The following ELMO1 variants were observed in gnomAD, a reference collection of about 807,000 sequenced individuals.
The protein encoded by ELMO1 is engulfment and cell motility 1, also known as engulfment and cell motility protein 1.
A neutral mutation model predicts 98.9 loss-of-function variants in ELMO1; 26 were observed. The observed-to-expected ratio is 0.26, with a 90% CI of 0.19 to 0.36. The LOEUF (loss-of-function observed/expected upper bound fraction) is 0.36. Ranked by LOEUF, ELMO1 falls within the 10% of genes least tolerant of loss-of-function variation. The pLI, the probability that ELMO1 is intolerant of heterozygous loss-of-function variation, is 1.00. For missense variants in ELMO1, 627 were observed against 935.2 expected, an observed-to-expected ratio of 0.67 and a Z score of 4.30; for synonymous variants, 346 against 346.0, an observed-to-expected ratio of 1.00 and a Z score of 0.00.
chr7:37,421,033 GA>G (rs376078052), intron 1 of ELMO1, among the ~76,000 whole-genome samples: 59 of 152,326 alleles, frequency 3.9e-4, no homozygotes, highest in Middle Eastern at 6.8e-3. Flanking sequence ...GTGAAGCCCA[GA>G]ACCCTAAGCC....
intron 16 of ELMO1, among the ~76,000 whole-genome samples, chr7:36,969,412 T>C (rs1466821519): frequency 2.0e-5 from 3 of 152,248 alleles, no homozygotes; most frequent in Non-Finnish European, 4.4e-5. Context: ...TGGGTGATAA[T>C]GATATGTGGT....
chr7:37,000,938 T>TACACACACACACACAC (rs145766627), intron 16 of ELMO1, among the ~76,000 whole-genome samples: 186 of 147,500 alleles, frequency 1.3e-3, no homozygotes, highest in African/African-American at 2.5e-3. Flanking sequence ...TATATGTGTA[T>TACACACACACACACAC]ACACACACAC....
chr7:37,346,380 A>T (rs573193992), intron 1 of ELMO1, among the ~76,000 whole-genome samples: 1 of 152,214 alleles, frequency 6.6e-6, no homozygotes, highest in Non-Finnish European at 1.5e-5. Flanking sequence ...ATCCTCAAGA[A>T]ATAATTATTA....
chr7:37,112,968 C>G (rs780571589), intron 14 of ELMO1, among the ~76,000 whole-genome samples: 8 of 152,214 alleles, frequency 5.3e-5, no homozygotes, highest in Non-Finnish European at 1.2e-4. Flanking sequence ...GCTCTGGTCA[C>G]ATGAATCCTA....
rs61098358 is a variant in ELMO1, at chr7:37,218,711, C to T, written c.781-2016G>A. ...GAAAAACTACAATGCATGTAGTATG[C>T]TCACATTTGGTGAAAAAAAATGATG... is the stretch of plus-strand genomic sequence containing the variant. On this transcript the variant is annotated intron_variant, in intron 10 of 21. Coordinates refer to ENST00000310758, the MANE Select transcript of ELMO1 (RefSeq NM_014800.11). Among the ~76,000 whole-genome samples the T allele has an allele frequency of 1.8e-4, 27 of 152,230 alleles. No homozygotes were observed. In the East Asian group the frequency reaches 4.8e-3, roughly 27 times the overall value.
intron 7 of ELMO1, among the ~76,000 whole-genome samples, chr7:37,242,894 G>T (rs1361627991): frequency 6.6e-6 from 1 of 152,188 alleles, no homozygotes; most frequent in African/African-American, 2.4e-5. Context: ...GGTGTTCTCA[G>T]AGAAAAAGCT....
In ELMO1 at chr7:36,870,224, G is replaced by A. The variant is rs2129040025; in HGVS notation, c.1905+169C>T. Among the ~76,000 whole-genome samples the A allele has an allele frequency of 1.3e-5, 2 of 152,214 alleles. No individual in the cohort carries two copies. The highest frequency in any genetic ancestry group is 1.3e-4 in the Admixed American group (2 of 15,278). ...AGGGGTCAGAAAGAGAAAGAATAAG[G>A]GTAAGAGACGTAAAAGGAATCGGGA... On this transcript the variant is annotated intron_variant, in intron 20 of 21. Transcript: ENST00000310758. The surrounding 1 kb of genome is among the most constrained non-coding windows in gnomAD (Gnocchi z 4.4).
rs185321878 is a variant in ELMO1 at position 37,233,781 on chromosome 7, C to T, written c.450-587G>A. On this transcript the variant is annotated intron_variant, in intron 7 of 21. Coordinates refer to ENST00000310758, the MANE Select transcript of ELMO1 (RefSeq NM_014800.11). ...GGACACACAGATACAAACATGTATG[C>T]AAGTAAACATACTCATTTTGATTTT... is the stretch of plus-strand genomic sequence containing the variant. 7.3e-4 allele frequency among the ~76,000 whole-genome samples: 111 copies of T among 152,224 alleles called. 1 individual carries two copies. Among genetic ancestry groups the T allele is most frequent in the African/African-American group, 2.5e-3 (102 of 41,552 alleles).
In ELMO1 at chr7:36,853,344, C is replaced by A. The variant is rs530549467; in HGVS notation, c.*2207G>T. On this transcript the variant is annotated 3_prime_UTR_variant, in exon 22 of 22. Coordinates refer to ENST00000310758, the MANE Select transcript of ELMO1 (RefSeq NM_014800.11). ...CCCAACCAAGGTCACAGGACAGATA[C>A]ATTTCTTAAACCCAGTGTCTCAGGA... Among the ~76,000 whole-genome samples the A allele has an allele frequency of 6.6e-6, 1 of 152,208 alleles. No individual in the cohort carries two copies. The highest frequency in any genetic ancestry group is 2.4e-5 in the African/African-American group (1 of 41,450).
At chr7:37,236,244 G>A (rs1234842067) in intron 7 of ELMO1, among the ~76,000 whole-genome samples, 1 of 152,196 alleles carries the variant, frequency 6.6e-6, no homozygotes, top group African/African-American at 2.4e-5. Flanking sequence ...GGAAAAAAAA[G>A]CTGGAGAGAA....
chr7:36,876,899 T>C (rs949614226), intron 19 of ELMO1, among the ~76,000 whole-genome samples: 10 of 152,200 alleles, frequency 6.6e-5, no homozygotes, highest in African/African-American at 2.2e-4. Flanking sequence ...AGTTTTCCTA[T>C]GAAAGAAAAC....
At chr7:37,031,024 T>C (rs1401623609) in intron 15 of ELMO1, among the ~76,000 whole-genome samples, 1 of 152,184 alleles carries the variant, frequency 6.6e-6, no homozygotes, top group Non-Finnish European at 1.5e-5. Context: ...TTTTGCTCAG[T>C]TGACTCTTCT....
intron 14 of ELMO1, among the ~76,000 whole-genome samples, chr7:37,115,546 CTCAT>C (rs1002503749): frequency 6.6e-6 from 1 of 151,440 alleles, no homozygotes; most frequent in African/African-American, 2.4e-5. Flanking sequence ...AAATCTAACA[CTCAT>C]TCATGATAAA....
At chr7:37,038,228 G>A (rs1584548799) in intron 15 of ELMO1, among the ~76,000 whole-genome samples, 1 of 152,192 alleles carries the variant, frequency 6.6e-6, no homozygotes, top group Non-Finnish European at 1.5e-5. Flanking sequence ...TGGTTCCCAT[G>A]TCTCCCTTGC....
intron 4 of ELMO1, among the ~76,000 whole-genome samples, chr7:37,296,824 T>G (rs779579909): frequency 6.6e-6 from 1 of 152,186 alleles, no homozygotes; most frequent in Non-Finnish European, 1.5e-5. Context: ...TTTCTTATAA[T>G]AAATACTGGA....
chr7:37,394,138 A>G (rs1020029950), intron 1 of ELMO1, among the ~76,000 whole-genome samples: 1 of 152,208 alleles, frequency 6.6e-6, no homozygotes, highest in African/African-American at 2.4e-5. Flanking sequence ...GGACACTAAT[A>G]TAATGTTGGA....
intron 1 of ELMO1, among the ~76,000 whole-genome samples, chr7:37,392,624 T>C (rs1197111516): frequency 6.6e-6 from 1 of 152,182 alleles, no homozygotes; most frequent in Non-Finnish European, 1.5e-5. Context: ...GGCCTCCCTA[T>C]AGAATGGAGA....
rs938433225 is a variant in ELMO1, at chr7:37,212,876, G to A, written c.954+459C>T. ...AGAGAGTTACAGCCAACAGCCAACC[G>A]ACAGAAATGCTGGCCCAGAAATCAG... On this transcript the variant is annotated intron_variant, in intron 12 of 21. Coordinates refer to ENST00000310758, the MANE Select transcript of ELMO1 (RefSeq NM_014800.11). Among the ~76,000 whole-genome samples the A allele has an allele frequency of 3.9e-5, 6 of 152,136 alleles. No individual in the cohort carries two copies. The South Asian group carries it at 6.2e-4, about 16-fold the overall frequency.
chr7:37,379,767 A>G (rs2131381223), intron 1 of ELMO1, among the ~76,000 whole-genome samples: 1 of 152,290 alleles, frequency 6.6e-6, no homozygotes, highest in South Asian at 2.1e-4. Flanking sequence ...GACTTCTCCT[A>G]AATCTGATTT....
Sources: gnomAD v4.1 joint callset for allele counts (sites outside exome capture counted in the v4.1 genomes callset) on GRCh38, gnomAD v4.1.1 for gene constraint, Gnocchi (gnomAD v3.1) non-coding constraint, MANE v1.5 for transcripts, NCBI Gene and HGNC (gene_info 2026-07-23, HGNC 2026-07-21) for gene names.